LSAMP: variants seen among roughly 807,000 people sequenced by gnomAD.
LSAMP encodes limbic system associated membrane protein.
A neutral mutation model predicts 38.6 loss-of-function variants in LSAMP; 7 were observed. The ratio of observed to expected loss-of-function variants is 0.18; its 90% CI spans 0.10 to 0.34. The LOEUF is 0.34. Ranked by LOEUF, LSAMP falls within the 10% of genes least tolerant of loss-of-function variation. The pLI is 1.00. For missense variants in LSAMP, 313 were observed against 420.0 expected, an observed-to-expected ratio of 0.75 and a Z score of 2.23; for synonymous variants, 154 against 166.8, an observed-to-expected ratio of 0.92 and a Z score of 0.59.
intron 1 of LSAMP, among the ~76,000 whole-genome samples, chr3:116,439,532 C>A (rs1444328568): frequency 2.3e-5 from 1 of 42,910 alleles, no homozygotes; most frequent in Non-Finnish European, 4.9e-5. Flanking sequence ...TTGAGACACA[C>A]TGGCCTAAAA....
rs1056754084 is a variant in LSAMP, at chr3:116,019,931, C to A, written c.389-291G>T. The stretch of plus-strand genomic sequence containing the variant: ...AGCTTTTAAAAATACTAGAATGGAC[C>A]TTATTTAGATATTAGACAGCATGCA... On this transcript the variant is annotated intron_variant, in intron 2 of 6. Transcript: ENST00000490035. Among the ~76,000 whole-genome samples, 4 of 152,000 alleles carry A rather than the reference C, an allele frequency of 2.6e-5. No homozygotes were observed. The South Asian group carries it at 6.2e-4, about 24-fold the overall frequency.
chr3:115,894,870 T>C (rs1936689687), intron 3 of LSAMP, among the ~76,000 whole-genome samples: 1 of 152,036 alleles, frequency 6.6e-6, no homozygotes, highest in South Asian at 2.1e-4. Context: ...CTCCTTTATT[T>C]AAATTTTAAA....
intron 1 of LSAMP, among the ~76,000 whole-genome samples, chr3:116,272,043 A>AAAGAT (rs2046981180): frequency 6.6e-6 from 1 of 152,148 alleles, no homozygotes; most frequent in East Asian, 1.9e-4. Flanking sequence ...AGATGGATGT[A>AAAGAT]AAGATGGAAG....
rs1029972140 is a variant in LSAMP, at chr3:115,804,212, C to G, written c.*6105G>C. Reference sequence around the variant, plus strand: ...ATAGTTCTGAGAAGTGATGAGAATACAGAGACCAAACTAGAGATAACAAAC... The same window carrying G: ...ATAGTTCTGAGAAGTGATGAGAATAGAGAGACCAAACTAGAGATAACAAAC... On this transcript the variant is annotated 3_prime_UTR_variant, in exon 7 of 7. Coordinates refer to ENST00000490035, the MANE Select transcript of LSAMP (RefSeq NM_002338.5). 1 of 152,150 alleles carries G rather than the reference C, an allele frequency of 6.6e-6. No individual in the cohort carries two copies. The highest frequency in any genetic ancestry group is 2.4e-5 in the African/African-American group (1 of 41,444). 9.4% of individuals were successfully genotyped at this position (152,150 alleles called of 1,614,324 possible).
chr3:116,109,998 AG>A (rs1457155835), intron 1 of LSAMP, among the ~76,000 whole-genome samples: 1 of 144,052 alleles, frequency 6.9e-6, no homozygotes, highest in Non-Finnish European at 1.5e-5. Context: ...CAGAGATAAG[AG>A]GTAGGGGTGA....
chr3:115,892,019 A>C (rs1936612782), intron 3 of LSAMP, among the ~76,000 whole-genome samples: 1 of 152,010 alleles, frequency 6.6e-6, no homozygotes, highest in Admixed American at 6.6e-5. Context: ...TGCAGGAACA[A>C]AGGTTGTAAT....
At chr3:116,258,758 T>C (rs1025601878) in intron 1 of LSAMP, among the ~76,000 whole-genome samples, 3 of 152,154 alleles carry the variant, frequency 2.0e-5, no homozygotes, top group East Asian at 3.9e-4. Flanking sequence ...TAAAATAGAG[T>C]TGTTATTTTC....
chr3:116,231,874 ATAAT>A (rs2046405888), intron 1 of LSAMP, among the ~76,000 whole-genome samples: 1 of 152,208 alleles, frequency 6.6e-6, no homozygotes, highest in Admixed American at 6.5e-5. Flanking sequence ...CAGCAGGTAA[ATAAT>A]TGTGAAATTT....
intron 3 of LSAMP, among the ~76,000 whole-genome samples, chr3:116,013,219 T>G (rs778779646): frequency 1.3e-5 from 2 of 152,160 alleles, no homozygotes; most frequent in African/African-American, 4.8e-5. Context: ...CTTGCAAGAA[T>G]AGCCAGCACG....
intron 3 of LSAMP, among the ~76,000 whole-genome samples, chr3:115,928,676 T>C (rs777977285): frequency 6.8e-4 from 99 of 145,784 alleles, no homozygotes; most frequent in Middle Eastern, 3.4e-3. Context: ...TCCTGCAGAG[T>C]GCAGGGGGTG....
intron 1 of LSAMP, among the ~76,000 whole-genome samples, chr3:116,225,621 A>G (rs1196170911): frequency 6.6e-6 from 1 of 152,242 alleles, no homozygotes; most frequent in Non-Finnish European, 1.5e-5. Flanking sequence ...TTGACATTCA[A>G]AATTTGACTC....
chr3:116,373,854 T>C (rs752981864), intron 1 of LSAMP, among the ~76,000 whole-genome samples: 1 of 151,894 alleles, frequency 6.6e-6, no homozygotes, highest in Admixed American at 6.6e-5. Flanking sequence ...AATATTGAGG[T>C]TCATGGAGCT....
chr3:116,343,384 G>C (rs1233622515), intron 1 of LSAMP, among the ~76,000 whole-genome samples: 1 of 152,124 alleles, frequency 6.6e-6, no homozygotes, highest in Non-Finnish European at 1.5e-5. Flanking sequence ...TGGCCTGAAG[G>C]GATTGGTGGG....
intron 1 of LSAMP, among the ~76,000 whole-genome samples, chr3:116,164,603 TATATATATATATATATATAATCCAA>T (rs1709988018): frequency 0.012 from 124 of 10,732 alleles, 1 homozygote; most frequent in East Asian, 0.077. Context: ...ATAATCCAAA[TATATATATATATATATATAATCCAA>T]ATATATATAT....
chr3:116,079,043 T>C (rs1034982123), intron 2 of LSAMP, among the ~76,000 whole-genome samples: 1 of 152,188 alleles, frequency 6.6e-6, no homozygotes, highest in Non-Finnish European at 1.5e-5. Flanking sequence ...AACTTATTAA[T>C]AATCATTAAT....
intron 1 of LSAMP, among the ~76,000 whole-genome samples, chr3:116,231,589 G>T (rs770219115): frequency 6.6e-6 from 1 of 152,166 alleles, no homozygotes; most frequent in African/African-American, 2.4e-5. Flanking sequence ...TGTCTTCAAA[G>T]AATTGATACA....
chr3:116,390,988 C>T (rs985042786), intron 1 of LSAMP, among the ~76,000 whole-genome samples: 1 of 152,068 alleles, frequency 6.6e-6, no homozygotes, highest in African/African-American at 2.4e-5. Flanking sequence ...CTGGTTTGTT[C>T]TAACAATATA....
intron 1 of LSAMP, among the ~76,000 whole-genome samples, chr3:116,399,085 G>C (rs776025123): frequency 1.3e-5 from 2 of 152,172 alleles, no homozygotes; most frequent in African/African-American, 2.4e-5. Flanking sequence ...TGGAAAGCAA[G>C]AGAAGGTAGA....
At chr3:115,874,423 T>C (rs1936129978) in intron 3 of LSAMP, among the ~76,000 whole-genome samples, 1 of 152,144 alleles carries the variant, frequency 6.6e-6, no homozygotes, top group Admixed American at 6.6e-5. Context: ...AAAAAATTTG[T>C]TCATGCGGTG....
Sources: allele counts gnomAD v4.1 joint callset (sites outside exome capture counted in the v4.1 genomes callset), GRCh38; gene constraint gnomAD v4.1.1; transcripts MANE v1.5; gene names NCBI Gene and HGNC (gene_info 2026-07-23, HGNC 2026-07-21).